Variants in NCOA6 observed in about 807,000 individuals in gnomAD.
NCOA6 encodes NRC RAP250.
NCOA6 carries 49 observed loss-of-function variants against 171.4 expected under a neutral mutation model. The observed-to-expected ratio is 0.29, with a 90% CI of 0.23 to 0.36. NCOA6 has a LOEUF of 0.36. NCOA6 is among the 10% of genes least tolerant of loss of function. The probability of loss-of-function intolerance (pLI) is 1.00; values close to 1 mark genes in which losing one functional copy is unlikely to be tolerated. For missense variants in NCOA6, 2,248 were observed against 2,554.5 expected (o/e 0.88, Z 2.59); for synonymous variants, 910 against 927.5 (o/e 0.98, Z 0.34).
At chr20:34,746,728 T>C in intron 10 of NCOA6, 79 bp downstream of exon 10, 1 of 1,423,924 alleles carries the variant, frequency 7.0e-7, no homozygotes, top group African/African-American at 1.4e-5. Context: ...AAAATACTAT[T>C]GTTTCCTTGA....
intron 1 of NCOA6, among the ~76,000 whole-genome samples, chr20:34,805,982 A>G (rs1443143711): frequency 6.6e-6 from 1 of 152,148 alleles, no homozygotes; most frequent in Non-Finnish European, 1.5e-5. Context: ...CACTGCGCCC[A>G]GCCCTCTTTT....
At chr20:34,809,001 T>A (rs566071162) in intron 1 of NCOA6, among the ~76,000 whole-genome samples, 1 of 152,218 alleles carries the variant, frequency 6.6e-6, no homozygotes, top group African/African-American at 2.4e-5. Flanking sequence ...CCTGCCCTTC[T>A]CTGAGATCGT....
Position 34,742,294 on chromosome 20 carries a change from G to A in NCOA6, c.3962C>T (p.Thr1321Ile), listed in dbSNP as rs2076170361. 1.9e-6 allele frequency: 3 copies of A among 1,614,190 alleles called. No homozygotes were observed. Among genetic ancestry groups the A allele is most frequent in the Non-Finnish European group, 2.5e-6 (3 of 1,180,042 alleles). Residue 1321 changes from threonine to isoleucine, a missense_variant, in exon 11 of 15, where the codon ACA becomes ATA. This residue lies in a region of NCOA6 where 884 missense variants were observed against 941.9 expected (regional missense o/e 0.94). Transcript: ENST00000359003. The stretch of plus-strand genomic sequence containing the variant: ...ACTGTTGCTTGGACTTGCCCGTTTT[G>A]TTGCTCCAGAATTAGACTGCTTTCC... ...NSGKQSNSGA[T>I]KRASPSNSRR...
At chr20:34,722,926 G>C (rs1568707478) in intron 14 of NCOA6, among the ~76,000 whole-genome samples, 1 of 152,138 alleles carries the variant, frequency 6.6e-6, no homozygotes, top group Admixed American at 6.6e-5. Context: ...AGAATTGCTT[G>C]AACCTGGGAG....
intron 1 of NCOA6, among the ~76,000 whole-genome samples, chr20:34,816,255 GC>G (rs981544010): frequency 4.0e-5 from 6 of 151,894 alleles, no homozygotes; most frequent in South Asian, 2.1e-4. Flanking sequence ...GTTGACTTGT[GC>G]CCCCCAATCC....
intron 3 of NCOA6, among the ~76,000 whole-genome samples, chr20:34,778,710 G>A (rs2077419157): frequency 6.6e-6 from 1 of 152,014 alleles, no homozygotes; most frequent in Admixed American, 6.5e-5. Context: ...GCAGGCATGA[G>A]CCACCACACC....
chr20:34,776,586 G>T, intron 3 of NCOA6, 138 bp from the exon 4 acceptor site: 1 of 999,542 alleles, frequency 1.0e-6, no homozygotes, highest in Non-Finnish European at 1.5e-6. Flanking sequence ...ATGCTTTGGA[G>T]CTACAGACTC....
chr20:34,811,201 GTATATA>G (rs10700283), intron 1 of NCOA6, among the ~76,000 whole-genome samples: 610 of 53,834 alleles, frequency 0.011, 38 homozygotes, highest in African/African-American at 0.029. Flanking sequence ...ACAACAACGT[GTATATA>G]TATATATATA....
At chr20:34,748,602 T>A (rs2076375401) in intron 9 of NCOA6, among the ~76,000 whole-genome samples, 1 of 152,236 alleles carries the variant, frequency 6.6e-6, no homozygotes, top group East Asian at 1.9e-4. Flanking sequence ...TGGAAACATT[T>A]TATCAAACCC....
At chr20:34,754,687 A>C in intron 8 of NCOA6, 35 bp downstream of exon 8, 1 of 1,613,702 alleles carries the variant, frequency 6.2e-7, no homozygotes, top group South Asian at 1.1e-5. Flanking sequence ...ACAATGCTCA[A>C]TAAATGCTGG....
chr20:34,815,483 C>T (rs1357597150), intron 1 of NCOA6, among the ~76,000 whole-genome samples: 1 of 151,992 alleles, frequency 6.6e-6, no homozygotes, highest in Non-Finnish European at 1.5e-5. Flanking sequence ...TAAAACAATA[C>T]TCAGTTTTCC....
rs527509789 is a variant in NCOA6, at chr20:34,778,075, T to C, written c.236-1627A>G. Among the ~76,000 whole-genome samples, 27 of 152,240 alleles carry C rather than the reference T, an allele frequency of 1.8e-4. No homozygotes were observed. The South Asian group carries it at 2.3e-3, about 13-fold the overall frequency. On this transcript the variant is annotated intron_variant, in intron 3 of 14. Coordinates refer to ENST00000359003, the MANE Select transcript of NCOA6 (RefSeq NM_014071.5). Reference sequence around the variant, plus strand: ...GCATGCCACCACGCCCAGCTAATTTTTGTATTTTTAGTAGACACAGGGTTT... The same window carrying C: ...GCATGCCACCACGCCCAGCTAATTTCTGTATTTTTAGTAGACACAGGGTTT...
chr20:34,801,843 C>T (rs1054971624), intron 1 of NCOA6, among the ~76,000 whole-genome samples: 3 of 151,620 alleles, frequency 2.0e-5, no homozygotes, highest in Admixed American at 6.6e-5. Flanking sequence ...CCAGCCTCGG[C>T]GACAGAGACT....
chr20:34,807,127 C>T (rs1409870667), intron 1 of NCOA6, among the ~76,000 whole-genome samples: 1 of 152,158 alleles, frequency 6.6e-6, no homozygotes, highest in East Asian at 1.9e-4. Context: ...TCCTAGGAGA[C>T]TTGCTATTCC....
chr20:34,766,386 G>C (rs1053183859), intron 5 of NCOA6, among the ~76,000 whole-genome samples: 1 of 152,100 alleles, frequency 6.6e-6, no homozygotes, highest in Non-Finnish European at 1.5e-5. Flanking sequence ...GGAGGCTGAG[G>C]TGGGCAGATC....
At chr20:34,792,776 A>AT (rs35924752) in intron 1 of NCOA6, among the ~76,000 whole-genome samples, 3,257 of 112,320 alleles carry the variant, frequency 0.029, 229 homozygotes, top group African/African-American at 0.097. Flanking sequence ...ATCTTTTCTG[A>AT]TTTTTTTTTT....
chr20:34,772,915 A>G (rs576699819), intron 4 of NCOA6, among the ~76,000 whole-genome samples: 2 of 152,200 alleles, frequency 1.3e-5, no homozygotes, highest in African/African-American at 4.8e-5. Flanking sequence ...CTTACCTAAG[A>G]AAAAAAATCA....
Position 34,741,997 on chromosome 20 carries a change from T to C in NCOA6, c.4259A>G (p.Asn1420Ser). ...GVVEDNKESL[N>S]VPQDSDCQNS... Reference sequence around the variant, plus strand: ...CTGGCAATCACTGTCCTGAGGCACATTCAAGCTCTCCTTGTTATCCTCAAC... The same window carrying C: ...CTGGCAATCACTGTCCTGAGGCACACTCAAGCTCTCCTTGTTATCCTCAAC... Residue 1420 changes from asparagine (N) to serine (S), a missense_variant, in exon 11 of 15, where the codon AAT becomes AGT. Physicochemically the swap from Asn to Ser is conservative, Grantham distance 46. Coordinates refer to ENST00000359003, the MANE Select transcript of NCOA6 (RefSeq NM_014071.5). 6.2e-7 allele frequency: 1 copy of C among 1,614,208 alleles called. No homozygotes were observed. Among genetic ancestry groups the C allele is most frequent in the Non-Finnish European group, 8.5e-7 (1 of 1,180,034 alleles).
intron 2 of NCOA6, 57 bp downstream of exon 2, chr20:34,792,393 A>G: frequency 5.1e-6 from 2 of 395,080 alleles, no homozygotes; most frequent in Non-Finnish European, 8.9e-6. Context: ...GAAAAAAAAA[A>G]AAAAGAATAA....
Sources: allele counts gnomAD v4.1 joint callset (sites outside exome capture counted in the v4.1 genomes callset), GRCh38; gene constraint gnomAD v4.1.1; regional missense constraint gnomAD v4.1.1; transcripts MANE v1.5; gene names NCBI Gene and HGNC (gene_info 2026-07-23, HGNC 2026-07-21).